Variants in TEX26 observed in about 807,000 individuals in gnomAD.
TEX26 encodes testis-expressed protein 26.
In TEX26, 34 loss-of-function variants were observed where a neutral mutation model predicts 35.3. That is an observed-to-expected ratio of 0.96 (90% CI 0.73 to 1.28). The LOEUF (loss-of-function observed/expected upper bound fraction) is 1.28, where lower values mean the gene tolerates loss of function less well. Among genes scored for constraint, TEX26 ranks in the 50% most tolerant of loss-of-function variants. The pLI is 0.00. For missense variants in TEX26, 371 were observed against 330.1 expected (o/e 1.12, Z -0.96); for synonymous variants, 136 against 111.8 (o/e 1.22, Z -1.36).
chr13:30,965,216 G>T (rs1954484359), intron 4 of TEX26, among the ~76,000 whole-genome samples: 1 of 152,018 alleles, frequency 6.6e-6, no homozygotes, highest in African/African-American at 2.4e-5. Context: ...CTCCTCTGCT[G>T]GTCTAGACAG....
chr13:30,938,887 C>T (rs1953371879), intron 1 of TEX26, among the ~76,000 whole-genome samples: 1 of 152,160 alleles, frequency 6.6e-6, no homozygotes, highest in Admixed American at 6.6e-5. Context: ...CAGGTCTCAG[C>T]CTTGGAACTT....
At position 30,958,873 on chromosome 13, in the gene TEX26, G is replaced by A. The variant is rs568122821; in HGVS notation, c.469+1844G>A. The stretch of plus-strand genomic sequence containing the variant: ...TCTTTTAGCTACTGTTCATTTCTCT[G>A]CTTCCCTTCATAAACAGCCAATGTT... On this transcript the variant is annotated intron_variant, in intron 4 of 6. Coordinates refer to ENST00000380473, the MANE Select transcript of TEX26 (RefSeq NM_152325.3). Among the ~76,000 whole-genome samples the A allele has an allele frequency of 2.3e-4, 35 of 152,248 alleles. No individual in the cohort carries two copies. In the South Asian group the frequency reaches 5.8e-3, roughly 25 times the overall value.
intron 4 of TEX26, 123 bp downstream of exon 4, chr13:30,957,152 G>C (rs895685227): frequency 1.2e-5 from 12 of 980,382 alleles, no homozygotes; most frequent in Middle Eastern, 3.0e-4. Context: ...GGAGACAGGC[G>C]ACTTTGCAAA....
At chr13:30,973,905 T>G (rs2138364379) in intron 6 of TEX26, among the ~76,000 whole-genome samples, 1 of 151,904 alleles carries the variant, frequency 6.6e-6, no homozygotes, top group African/African-American at 2.4e-5. Context: ...ATCCCAGCAC[T>G]TTGGGAAGCC....
At chr13:30,972,112 G>A (rs1404999730) in intron 6 of TEX26, among the ~76,000 whole-genome samples, 1 of 152,186 alleles carries the variant, frequency 6.6e-6, no homozygotes, top group African/African-American at 2.4e-5. Flanking sequence ...TAATCTTCGG[G>A]TACAGTAGCA....
At chr13:30,945,731 G>T (rs1031201707) in intron 2 of TEX26, among the ~76,000 whole-genome samples, 1 of 151,896 alleles carries the variant, frequency 6.6e-6, no homozygotes, top group South Asian at 2.1e-4. Context: ...TCTAGGTTGA[G>T]AGTTATTCCC....
chr13:30,967,337 T>A (rs1339886918), intron 5 of TEX26, among the ~76,000 whole-genome samples: 2 of 152,198 alleles, frequency 1.3e-5, no homozygotes, highest in African/African-American at 4.8e-5. Flanking sequence ...TGACTCTTCC[T>A]GACTCCATCC....
At chr13:30,971,441 CAG>C (rs1200598496) in intron 6 of TEX26, among the ~76,000 whole-genome samples, 2 of 151,944 alleles carry the variant, frequency 1.3e-5, no homozygotes, top group African/African-American at 2.4e-5. Context: ...GAAAGAGATA[CAG>C]AGAGAGAGAA....
chr13:30,966,077 C>A, intron 4 of TEX26, 145 bp from the exon 5 acceptor site: 1 of 788,004 alleles, frequency 1.3e-6, no homozygotes, highest in Non-Finnish European at 2.0e-6. Context: ...TATATACTTC[C>A]TGTGACTGAC....
At chr13:30,948,776 T>G (rs531916506) in intron 2 of TEX26, among the ~76,000 whole-genome samples, 27 of 152,346 alleles carry the variant, frequency 1.8e-4, no homozygotes, top group Non-Finnish European at 3.7e-4. Context: ...TGGCTTTTGT[T>G]GCCATTGCTT....
At chr13:30,966,540 C>T (rs769173379) in intron 5 of TEX26, 142 bp downstream of exon 5, 114 of 710,370 alleles carry the variant, frequency 1.6e-4, no homozygotes, top group African/African-American at 1.0e-3. Flanking sequence ...TGGGTTCAAG[C>T]GATTCTCCTG....
At chr13:30,957,863 A>G (rs917317201) in intron 4 of TEX26, among the ~76,000 whole-genome samples, 2 of 152,244 alleles carry the variant, frequency 1.3e-5, no homozygotes, top group Non-Finnish European at 2.9e-5. Flanking sequence ...GGGATGAGTG[A>G]CTGACAGATG....
intron 6 of TEX26, among the ~76,000 whole-genome samples, chr13:30,973,920 C>T (rs376542727): frequency 1.3e-5 from 2 of 151,368 alleles, no homozygotes; most frequent in African/African-American, 4.9e-5. Flanking sequence ...GAAGCCGAGG[C>T]GGGTGGATCA....
At chr13:30,964,701 G>A (rs1408150141) in intron 4 of TEX26, among the ~76,000 whole-genome samples, 1 of 152,188 alleles carries the variant, frequency 6.6e-6, no homozygotes. Flanking sequence ...TGGAGGCTGG[G>A]AAGCCAAGAG....
At chr13:30,935,693 G>C (rs138565862) in intron 1 of TEX26, among the ~76,000 whole-genome samples, 81 of 152,330 alleles carry the variant, frequency 5.3e-4, no homozygotes, top group African/African-American at 1.9e-3. Context: ...GAGCTACGCT[G>C]CCTAGGGCCT....
In TEX26 at chr13:30,934,429, G is replaced by A. The variant is rs114921552; in HGVS notation, c.61+1653G>A. ...ATTACTACAGATGGGGCTCTCAGGTGTTGTATTAGTTTCCTGTGGCTGCTA... is the reference window on the plus strand; with the variant it reads ...ATTACTACAGATGGGGCTCTCAGGTATTGTATTAGTTTCCTGTGGCTGCTA... On this transcript the variant is annotated intron_variant, in intron 1 of 6. Transcript: ENST00000380473. 9.5e-3 allele frequency among the ~76,000 whole-genome samples: 1,440 copies of A among 152,330 alleles called. 27 individuals carry two copies. Among genetic ancestry groups the A allele is most frequent in the African/African-American group, 0.032 (1,347 of 41,562 alleles).
chr13:30,950,265 G>A (rs1391400598), intron 2 of TEX26, among the ~76,000 whole-genome samples: 1 of 152,150 alleles, frequency 6.6e-6, no homozygotes, highest in Non-Finnish European at 1.5e-5. Context: ...AATTAGACCA[G>A]TGTGGTGGCA....
intron 4 of TEX26, among the ~76,000 whole-genome samples, chr13:30,963,919 G>A (rs1459642107): frequency 6.6e-6 from 1 of 152,108 alleles, no homozygotes; most frequent in Non-Finnish European, 1.5e-5. Context: ...CATTGTTCAT[G>A]TGGAACGGAC....
intron 2 of TEX26, among the ~76,000 whole-genome samples, chr13:30,940,393 G>T (rs1301263896): frequency 1.5e-5 from 2 of 134,722 alleles, no homozygotes; most frequent in African/African-American, 5.6e-5. Flanking sequence ...GAGTGCAGTG[G>T]TACGATCTCG....
Sources: allele counts gnomAD v4.1 joint callset (sites outside exome capture counted in the v4.1 genomes callset), GRCh38; gene constraint gnomAD v4.1.1; transcripts MANE v1.5; gene names NCBI Gene and HGNC (gene_info 2026-07-23, HGNC 2026-07-21).